NPAS2: variants seen among roughly 807,000 people sequenced by gnomAD.
NPAS2 encodes the protein neuronal PAS domain protein 2, also known as neuronal PAS domain-containing protein 2.
A neutral mutation model predicts 107.5 loss-of-function variants in NPAS2; 23 were observed. The observed-to-expected ratio is 0.21, with a 90% CI of 0.15 to 0.30. NPAS2 has a LOEUF of 0.30. Among genes scored for constraint, NPAS2 ranks in the 10% least tolerant of loss-of-function variants. NPAS2 has a pLI of 1.00. For missense variants in NPAS2, 756 were observed against 1,043.3 expected (o/e 0.72, Z 3.79); for synonymous variants, 403 against 417.5 (o/e 0.97, Z 0.42).
At position 100,943,958 on chromosome 2, in the gene NPAS2, T is replaced by C. The variant is rs11884714; in HGVS notation, c.364-4277T>C. ...TCACTTTGTGGCTTACCTTTCCCCCTTTTTTAGGGCATTTTGATGAACAGA... is the reference window on the plus strand; with the variant it reads ...TCACTTTGTGGCTTACCTTTCCCCCCTTTTTAGGGCATTTTGATGAACAGA... On this transcript the variant is annotated intron_variant, in intron 5 of 20. Transcript: ENST00000335681. 2.2e-3 allele frequency among the ~76,000 whole-genome samples: 331 copies of C among 152,282 alleles called. 3 individuals are homozygous for C. The highest frequency in any genetic ancestry group is 7.6e-3 in the African/African-American group (317 of 41,560).
At chr2:100,979,816 C>T (rs1222260606) in intron 15 of NPAS2, among the ~76,000 whole-genome samples, 2 of 152,130 alleles carry the variant, frequency 1.3e-5, no homozygotes, top group Non-Finnish European at 2.9e-5. Context: ...AGGCGTGAGC[C>T]ACCACGCCCA....
Position 100,969,518 on chromosome 2 carries a change from G to A in NPAS2, c.1055+1090G>A, listed in dbSNP as rs79986977. Among the ~76,000 whole-genome samples, 77 of 152,210 alleles carry A rather than the reference G, an allele frequency of 5.1e-4. No individual in the cohort carries two copies. In the East Asian group the frequency reaches 9.1e-3, roughly 18 times the overall value. On this transcript the variant is annotated intron_variant, in intron 11 of 20. Coordinates refer to ENST00000335681, the MANE Select transcript of NPAS2 (RefSeq NM_002518.4). The stretch of plus-strand genomic sequence containing the variant: ...GGCTTCCAGCTTCATCTATGTTCCC[G>A]CAAAGGACATGAACTTATTCTGTTT...
intron 1 of NPAS2, among the ~76,000 whole-genome samples, chr2:100,835,069 A>G (rs1676972673): frequency 6.6e-6 from 1 of 152,126 alleles, no homozygotes; most frequent in African/African-American, 2.4e-5. Flanking sequence ...ATCAGGTCCA[A>G]GGATCATTTG....
chr2:100,836,629 C>T (rs1347521268), intron 1 of NPAS2, among the ~76,000 whole-genome samples: 1 of 152,164 alleles, frequency 6.6e-6, no homozygotes, highest in East Asian at 1.9e-4. Context: ...TCCCATTGTG[C>T]AGGTCAGGGG....
At chr2:100,868,067 T>C (rs555717858) in intron 1 of NPAS2, among the ~76,000 whole-genome samples, 5 of 152,222 alleles carry the variant, frequency 3.3e-5, no homozygotes, top group African/African-American at 1.2e-4. Flanking sequence ...TGTTATCCAG[T>C]ATTATTTTCT....
At chr2:100,925,442 A>C (rs113729473) in intron 3 of NPAS2, 148 bp downstream of exon 3, 2 of 753,454 alleles carry the variant, frequency 2.7e-6, no homozygotes, top group Non-Finnish European at 2.1e-6. Flanking sequence ...AAGACACTCC[A>C]CCCTCTATCA....
In NPAS2 at chr2:100,995,603, GA is replaced by G. The variant is rs1678407482; in HGVS notation, c.*22del. ...GATAATGCCCCGGCACTGAAGTCGG[GA>G]CACAATCAGCTTTAACCAATGGATG... On this transcript the variant is annotated 3_prime_UTR_variant, in exon 21 of 21. Transcript: ENST00000335681. 6.3e-7 allele frequency: 1 copy of G among 1,595,364 alleles called. No homozygotes were observed. Among genetic ancestry groups the G allele is most frequent in the African/African-American group, 1.3e-5 (1 of 74,702 alleles).
intron 7 of NPAS2, among the ~76,000 whole-genome samples, chr2:100,962,514 C>T (rs888514953): frequency 2.0e-5 from 3 of 152,182 alleles, no homozygotes; most frequent in African/African-American, 4.8e-5. Flanking sequence ...CCTGGCTGCA[C>T]ACTGGTGAAC....
chr2:100,941,145 CAGATGTAACAGA>C (rs1159645567), intron 5 of NPAS2, among the ~76,000 whole-genome samples: 1 of 152,228 alleles, frequency 6.6e-6, no homozygotes, highest in Non-Finnish European at 1.5e-5. Context: ...GCCAACATCT[CAGATGTAACAGA>C]AGCTCATGTG....
chr2:100,911,341 C>T (rs940460287), intron 2 of NPAS2, among the ~76,000 whole-genome samples: 34 of 152,144 alleles, frequency 2.2e-4, no homozygotes, highest in African/African-American at 8.2e-4. Context: ...CATCTGTATT[C>T]CCATTATAAT....
At chr2:100,944,123 T>A (rs1456868591) in intron 5 of NPAS2, among the ~76,000 whole-genome samples, 8 of 152,202 alleles carry the variant, frequency 5.3e-5, no homozygotes, top group Non-Finnish European at 8.8e-5. Context: ...TGAATCTAAG[T>A]GGATCAAATA....
intron 19 of NPAS2, 87 bp downstream of exon 19, chr2:100,990,959 C>G: frequency 9.2e-7 from 1 of 1,081,866 alleles, no homozygotes; most frequent in Non-Finnish European, 1.4e-6. Context: ...GCCAGCAGCA[C>G]TCACATGAGC....
chr2:100,896,149 C>A (rs1681397451), intron 1 of NPAS2, among the ~76,000 whole-genome samples: 1 of 152,160 alleles, frequency 6.6e-6, no homozygotes, highest in African/African-American at 2.4e-5. Flanking sequence ...ATACCTGTGA[C>A]CTGCTTCCTG....
intron 10 of NPAS2, among the ~76,000 whole-genome samples, chr2:100,966,954 G>A (rs868769732): frequency 9.2e-5 from 14 of 152,188 alleles, no homozygotes; most frequent in Admixed American, 8.5e-4. Context: ...CATCTGGATC[G>A]GCTGTTAGAA....
chr2:100,958,397 C>A (rs1045053963), intron 7 of NPAS2, among the ~76,000 whole-genome samples: 1 of 152,190 alleles, frequency 6.6e-6, no homozygotes. Flanking sequence ...GCACGCCAGA[C>A]CTCACTGGGA....
rs149175358 is a variant in NPAS2, at chr2:100,971,157, C to A, written c.1140+83C>A. ...CAACCAGTCTCTGAAACAAGGGTTTCTTTTCATCAATGGAAGGGTACAACC... is the reference window on the plus strand; with the variant it reads ...CAACCAGTCTCTGAAACAAGGGTTTATTTTCATCAATGGAAGGGTACAACC... On this transcript the variant is annotated intron_variant, in intron 12 of 20. Coordinates refer to ENST00000335681, the MANE Select transcript of NPAS2 (RefSeq NM_002518.4). 6.0e-4 allele frequency: 805 copies of A among 1,337,836 alleles called. 6 individuals carry two copies. The Middle Eastern group carries it at 8.2e-3, about 14-fold the overall frequency. The allele number at this position is 1,337,836 out of a possible 1,614,324, so 82.9% of individuals were successfully genotyped here. A position where few individuals can be genotyped will look rare whatever the true frequency, so the allele number is the denominator to read the frequency against.
chr2:100,847,668 C>T (rs1677869135), intron 1 of NPAS2, among the ~76,000 whole-genome samples: 1 of 152,212 alleles, frequency 6.6e-6, no homozygotes, highest in Non-Finnish European at 1.5e-5. Context: ...CCATGCCTGG[C>T]CATAAATACT....
At chr2:100,855,368 C>G (rs949555743) in intron 1 of NPAS2, among the ~76,000 whole-genome samples, 1 of 152,122 alleles carries the variant, frequency 6.6e-6, no homozygotes, top group African/African-American at 2.4e-5. Flanking sequence ...AGGCCTCGAC[C>G]GCGGGTAGAG....
At chr2:100,864,814 G>T (rs1438241650) in intron 1 of NPAS2, among the ~76,000 whole-genome samples, 1 of 152,186 alleles carries the variant, frequency 6.6e-6, no homozygotes, top group Non-Finnish European at 1.5e-5. Flanking sequence ...TTTTGTTTAT[G>T]TGGGTTTATC....
Sources: allele counts gnomAD v4.1 joint callset (sites outside exome capture counted in the v4.1 genomes callset), GRCh38; gene constraint gnomAD v4.1.1; transcripts MANE v1.5; gene names NCBI Gene and HGNC (gene_info 2026-07-23, HGNC 2026-07-21).